Variants in ZNF628 observed in about 807,000 individuals in gnomAD.
ZNF628 encodes zinc finger protein 628.
A neutral mutation model predicts 2.5 loss-of-function variants in ZNF628; 3 were observed. The observed-to-expected ratio is 1.19, with a 90% CI of 0.54 to 3.07. The LOEUF is 3.07. Ranked by LOEUF, ZNF628 falls within the 30% of genes most tolerant of loss-of-function variation. The pLI is 0.03. For missense variants in ZNF628, 1,610 were observed against 1,517.1 expected (o/e 1.06, Z -1.02); for synonymous variants, 861 against 717.1 (o/e 1.20, Z -3.21).
rs923480188 is a variant in ZNF628, at chr19:55,481,198, CAGGTGTGAT to C, written c.8-2_14del. On this transcript the variant is annotated splice_acceptor_variant and coding_sequence_variant, in exon 3 of 3. Coordinates refer to ENST00000598519, the MANE Select transcript of ZNF628 (RefSeq NM_033113.3). LOFTEE classifies it high-confidence loss of function. ...AGCCGCTGACCCAGAATCCCTCCCC[CAGGTGTGAT>C]GGTCGGCTCCCACGCGGACATGGCG... 7 of 1,533,084 alleles carry C rather than the reference CAGGTGTGAT, an allele frequency of 4.6e-6. No individual in the cohort carries two copies. In the African/African-American group the frequency reaches 9.6e-5, roughly 21 times the overall value. 95.0% of individuals were successfully genotyped at this position (1,533,084 alleles called of 1,614,324 possible). A position where few individuals can be genotyped will look rare whatever the true frequency, so the allele number is the denominator to read the frequency against.
At position 55,481,331 on chromosome 19, in the gene ZNF628, G is replaced by T. The variant is rs1986693146; in HGVS notation, c.138G>T (p.Arg46=). Residue 46 remains arginine (R), a synonymous_variant, in exon 3 of 3, where the codon CGG becomes CGT. Transcript: ENST00000598519. The part of the protein sequence containing the change: ...YECGECGKSF[R]WSSRLLHHQR... ...GTGGGGAGTGTGGCAAGTCATTCCG[G>T]TGGTCGTCCCGGCTCCTGCACCACC... 6.2e-7 allele frequency: 1 copy of T among 1,611,922 alleles called. No individual in the cohort carries two copies. The highest frequency in any genetic ancestry group is 1.3e-5 in the African/African-American group (1 of 74,878).
At position 55,482,705 on chromosome 19, in the gene ZNF628, C is replaced by G. The variant is rs1986764925; in HGVS notation, c.1512C>G (p.His504Gln). 1 of 1,612,612 alleles carries G rather than the reference C, an allele frequency of 6.2e-7. No homozygotes were observed. Among genetic ancestry groups the G allele is most frequent in the African/African-American group, 1.3e-5 (1 of 74,860 alleles). Reference sequence around the variant, plus strand: ...TGCTGGCCATCCACCAGCGGGTGCACACGGGCCTGCGGGCCTTCACCTGTG... The same window carrying G: ...TGCTGGCCATCCACCAGCGGGTGCAGACGGGCCTGCGGGCCTTCACCTGTG... Reference protein sequence around the residue: ...SSLLAIHQRVHTGLRAFTCGQ... With the variant: ...SSLLAIHQRVQTGLRAFTCGQ... The change falls in exon 3 of 3, where the codon CAC (histidine) becomes CAG (glutamine). Residue 504 changes from histidine (H) to glutamine (Q), a missense_variant. Transcript: ENST00000598519.
chr19:55,480,710 A>T (rs1244045977), intron 2 of ZNF628, among the ~76,000 whole-genome samples: 1 of 152,222 alleles, frequency 6.6e-6, no homozygotes, highest in Non-Finnish European at 1.5e-5. Context: ...CGTGAGCCAC[A>T]GTGCCTGGCC....
intron 1 of ZNF628, among the ~76,000 whole-genome samples, chr19:55,478,720 C>T (rs974731639): frequency 6.6e-6 from 1 of 152,124 alleles, no homozygotes; most frequent in African/African-American, 2.4e-5. Context: ...AGTGGTGCCT[C>T]AGATCAAGGT....
chr19:55,481,283 T>C lies in ZNF628; in HGVS notation c.90T>C (p.Pro30=). 1 of 1,601,122 alleles carries C rather than the reference T, an allele frequency of 6.2e-7. No homozygotes were observed. The change falls in exon 3 of 3, where the codon CCT becomes CCC. Residue 30 remains proline, a synonymous_variant. Transcript: ENST00000598519. ...GGGAGAAGCCAGGCCCTGCGGCCCC[T>C]GCCCCGGCGGCCCAGTACGAATGTG... is the stretch of plus-strand genomic sequence containing the variant. The part of the protein sequence containing the change: ...GAGEKPGPAA[P]APAAQYECGE...
chr19:55,477,394 TC>T (rs1278071611), intron 1 of ZNF628, among the ~76,000 whole-genome samples: 48 of 150,732 alleles, frequency 3.2e-4, no homozygotes, highest in African/African-American at 1.1e-3. Flanking sequence ...GGAGTCTTGC[TC>T]CGTTGCCCAG....
chr19:55,481,545 C>CG lies in ZNF628; in HGVS notation c.355dup (p.Ala119GlyfsTer163). 6.2e-7 allele frequency: 1 copy of CG among 1,613,306 alleles called. No homozygotes were observed. The highest frequency in any genetic ancestry group is 1.1e-5 in the South Asian group (1 of 91,056). Reference sequence around the variant, plus strand: ...CCACCGTAGCGTGCACACCGGCCTGCGGGCCTTCATCTGCGGCCAGTGCGG... The same window carrying CG: ...CCACCGTAGCGTGCACACCGGCCTGCGGGGCCTTCATCTGCGGCCAGTGCGG... On this transcript the variant is annotated frameshift_variant, in exon 3 of 3. Coordinates refer to ENST00000598519, the MANE Select transcript of ZNF628 (RefSeq NM_033113.3). LOFTEE classifies it low-confidence loss of function (END_TRUNC).
chr19:55,481,974 C>A lies in ZNF628; in HGVS notation c.781C>A (p.Gln261Lys), dbSNP rs1441039478. The A allele has an allele frequency of 3.4e-6, 5 of 1,458,618 alleles. No homozygotes were observed. In the South Asian group the frequency reaches 6.7e-5, roughly 19 times the overall value. 90.4% of individuals were successfully genotyped at this position (1,458,618 alleles called of 1,614,324 possible). A position where few individuals can be genotyped will look rare whatever the true frequency, so the allele number is the denominator to read the frequency against. Residue 261 changes from glutamine to lysine, a missense_variant, in exon 3 of 3, where the codon CAG becomes AAG. Gln to Lys is a moderately conservative substitution (Grantham distance 53). This residue lies in a region of ZNF628 where 651 missense variants were observed against 575.6 expected (regional missense o/e 1.13). Transcript: ENST00000598519. ...VCDAYLQRHLQPHSPPAPPAP... is the reference protein window; with the variant it reads ...VCDAYLQRHLKPHSPPAPPAP... The stretch of plus-strand genomic sequence containing the variant: ...CGACGCCTACCTGCAGCGGCACCTC[C>A]AGCCCCACAGCCCGCCCGCGCCTCC...
chr19:55,483,385 C>T lies in ZNF628; in HGVS notation c.2192C>T (p.Pro731Leu). The change falls in exon 3 of 3, where the codon CCT becomes CTT. Residue 731 changes from proline (P) to leucine (L), a missense_variant. Pro to Leu is a moderately conservative substitution (Grantham distance 98, BLOSUM62 -3). This residue lies in a region of ZNF628 where 712 missense variants were observed against 603.6 expected (regional missense o/e 1.18). Coordinates refer to ENST00000598519, the MANE Select transcript of ZNF628 (RefSeq NM_033113.3). ...LQLIPSSVQPPTPPPPPAPPK... is the reference protein window; with the variant it reads ...LQLIPSSVQPLTPPPPPAPPK... ...CTGATCCCCAGCAGCGTGCAGCCCC[C>T]TACACCTCCGCCCCCTCCCGCACCT... 2 of 1,541,048 alleles carry T rather than the reference C, an allele frequency of 1.3e-6. No homozygotes were observed. The highest frequency in any genetic ancestry group is 1.7e-6 in the Non-Finnish European group (2 of 1,145,362).
rs564046056 is a variant in ZNF628, at chr19:55,481,197, C to T, written c.8-4C>T. ...GAGCCGCTGACCCAGAATCCCTCCC[C>T]CAGGTGTGATGGTCGGCTCCCACGC... On this transcript the variant is annotated splice_polypyrimidine_tract_variant and splice_region_variant and intron_variant, in intron 2 of 2. Coordinates refer to ENST00000598519, the MANE Select transcript of ZNF628 (RefSeq NM_033113.3). The T allele has an allele frequency of 6.5e-7, 1 of 1,532,242 alleles. No homozygotes were observed. The allele number at this position is 1,532,242 out of a possible 1,614,324, so 94.9% of individuals were successfully genotyped here. A position where few individuals can be genotyped will look rare whatever the true frequency, so the allele number is the denominator to read the frequency against.
At position 55,482,577 on chromosome 19, in the gene ZNF628, T is replaced by C; in HGVS notation, c.1384T>C (p.Ser462Pro). 1 of 1,594,964 alleles carries C rather than the reference T, an allele frequency of 6.3e-7. No homozygotes were observed. Among genetic ancestry groups the C allele is most frequent in the Non-Finnish European group, 8.5e-7 (1 of 1,173,866 alleles). ...RPYKCAECGK[S>P]FKGSSGLRYH... ...CTACAAATGTGCCGAGTGCGGCAAGTCCTTCAAGGGCTCCTCCGGGCTGCG... is the reference window on the plus strand; with the variant it reads ...CTACAAATGTGCCGAGTGCGGCAAGCCCTTCAAGGGCTCCTCCGGGCTGCG... Residue 462 changes from serine to proline, a missense_variant, in exon 3 of 3, where the codon TCC (serine) becomes CCC (proline). Physicochemically the swap from Ser to Pro is moderately conservative, Grantham distance 74. Transcript: ENST00000598519.
chr19:55,481,765 T>G lies in ZNF628; in HGVS notation c.572T>G (p.Leu191Arg). 2 of 1,610,236 alleles carry G rather than the reference T, an allele frequency of 1.2e-6. No individual in the cohort carries two copies. The highest frequency in any genetic ancestry group is 8.5e-7 in the Non-Finnish European group (1 of 1,178,586). Residue 191 changes from leucine (L) to arginine (R), a missense_variant, in exon 3 of 3, where the codon CTG becomes CGG. Physicochemically the swap from Leu to Arg is moderately radical, Grantham distance 102. Transcript: ENST00000598519. ...AAGAGCTTCACGCAGAGCACCAACC[T>G]GCGGCAGCACCAGCGCGTGCACACG... is the stretch of plus-strand genomic sequence containing the variant. ...CGKSFTQSTN[L>R]RQHQRVHTGE...
rs997975178 is a variant in ZNF628, at chr19:55,481,910, GC to G, written c.724del (p.Gln242SerfsTer185). The G allele has an allele frequency of 2.0e-5, 27 of 1,365,746 alleles. No homozygotes were observed. The highest frequency in any genetic ancestry group is 6.1e-5 in the East Asian group (2 of 32,856). 84.6% of individuals were successfully genotyped at this position (1,365,746 alleles called of 1,614,324 possible). ...PAPGTASAAP[P>X]PQSREPGKVF... ...CCCCGGGTACCGCCTCCGCGGCCCC[GC>G]CCCCCCAGTCCCGGGAGCCCGGCAA... On this transcript the variant is annotated frameshift_variant, in exon 3 of 3. Transcript: ENST00000598519. LOFTEE classifies it low-confidence loss of function (END_TRUNC).
chr19:55,481,142 T>C, intron 2 of ZNF628, 59 bp from the exon 3 acceptor site: 1 of 1,453,652 alleles, frequency 6.9e-7, no homozygotes, highest in Non-Finnish European at 9.0e-7. Context: ...CGTGTGTGGG[T>C]TTGGGGTTGA....
rs12972780 is a variant in ZNF628, at chr19:55,481,943, C to A, written c.750C>A (p.Phe250Leu). 1.4e-6 allele frequency: 2 copies of A among 1,475,806 alleles called. No individual in the cohort carries two copies. Among genetic ancestry groups the A allele is most frequent in the Non-Finnish European group, 1.8e-6 (2 of 1,119,910 alleles). 91.4% of individuals were successfully genotyped at this position (1,475,806 alleles called of 1,614,324 possible). A position where few individuals can be genotyped will look rare whatever the true frequency, so the allele number is the denominator to read the frequency against. ...PPQSREPGKVFVCDAYLQRHL... is the reference protein window; with the variant it reads ...PPQSREPGKVLVCDAYLQRHL... ...AGTCCCGGGAGCCCGGCAAGGTCTTCGTGTGCGACGCCTACCTGCAGCGGC... is the reference window on the plus strand; with the variant it reads ...AGTCCCGGGAGCCCGGCAAGGTCTTAGTGTGCGACGCCTACCTGCAGCGGC... The change falls in exon 3 of 3, where the codon TTC (phenylalanine) becomes TTA (leucine). Residue 250 changes from phenylalanine to leucine, a missense_variant. Around this residue, in one of 5 missense-constraint regions of ZNF628, gnomAD observed 651 missense variants for 575.6 expected, o/e 1.13. Coordinates refer to ENST00000598519, the MANE Select transcript of ZNF628 (RefSeq NM_033113.3).
Position 55,483,929 on chromosome 19 carries a change from C to A in ZNF628, c.2736C>A (p.Gly912=). 1 of 1,575,312 alleles carries A rather than the reference C, an allele frequency of 6.3e-7. No individual in the cohort carries two copies. The highest frequency in any genetic ancestry group is 8.6e-7 in the Non-Finnish European group (1 of 1,159,726). The change falls in exon 3 of 3, where the codon GGC becomes GGA. Residue 912 remains glycine (G), a synonymous_variant. Coordinates refer to ENST00000598519, the MANE Select transcript of ZNF628 (RefSeq NM_033113.3). ...CGGGCCCCGGGGAGGCGGGGGATGG[C>A]GAGGCCAGCACTGGTGTGGTCCAGG... is the stretch of plus-strand genomic sequence containing the variant. The part of the protein sequence containing the change: ...TGPGPGEAGD[G]EASTGVVQDV...
At position 55,484,314 on chromosome 19, in the gene ZNF628, C is replaced by T. The variant is rs1986849829; in HGVS notation, c.3121C>T (p.Leu1041=). 3 of 1,498,084 alleles carry T rather than the reference C, an allele frequency of 2.0e-6. No homozygotes were observed. The highest frequency in any genetic ancestry group is 2.5e-5 in the East Asian group (1 of 40,424). The allele number at this position is 1,498,084 out of a possible 1,614,324, so 92.8% of individuals were successfully genotyped here. A position where few individuals can be genotyped will look rare whatever the true frequency, so the allele number is the denominator to read the frequency against. ...AGPGVMTPQG[L]PSIQIVQTLP... is the part of the protein sequence containing the mutation. ...GCCTGGTGTTATGACCCCTCAGGGC[C>T]TGCCCTCCATCCAGATTGTCCAGAC... is the stretch of plus-strand genomic sequence containing the variant. Residue 1041 remains leucine (L), a synonymous_variant, in exon 3 of 3, where the codon CTG becomes TTG. Transcript: ENST00000598519.
chr19:55,481,706 C>G lies in ZNF628; in HGVS notation c.513C>G (p.Thr171=), dbSNP rs143366826. 2 of 1,610,724 alleles carry G rather than the reference C, an allele frequency of 1.2e-6. No individual in the cohort carries two copies. The highest frequency in any genetic ancestry group is 1.7e-6 in the Non-Finnish European group (2 of 1,178,896). Residue 171 remains threonine (T), a synonymous_variant, in exon 3 of 3, where the codon ACC becomes ACG. Transcript: ENST00000598519. The part of the protein sequence containing the change: ...SSLRRHRHVH[T]GERPYTCGVC... Reference sequence around the variant, plus strand: ...TGCGGCGCCACCGCCACGTGCACACCGGCGAGCGGCCCTACACCTGTGGAG... The same window carrying G: ...TGCGGCGCCACCGCCACGTGCACACGGGCGAGCGGCCCTACACCTGTGGAG...
In ZNF628 at chr19:55,484,044, G is replaced by C. The variant is rs1986836639; in HGVS notation, c.2851G>C (p.Val951Leu). ...CGATGGCGAACAGACTCGACTCTGC[G>C]TACAGGAGGTAGAAACACTTCCTCC... ...GADGEQTRLCVQEVETLPPGL... is the reference protein window; with the variant it reads ...GADGEQTRLCLQEVETLPPGL... The change falls in exon 3 of 3, where the codon GTA becomes CTA. Residue 951 changes from valine (V) to leucine (L), a missense_variant. Transcript: ENST00000598519. The C allele has an allele frequency of 6.3e-7, 1 of 1,593,588 alleles. No individual in the cohort carries two copies. The highest frequency in any genetic ancestry group is 8.5e-7 in the Non-Finnish European group (1 of 1,170,800).
Sources: allele counts gnomAD v4.1 joint callset (sites outside exome capture counted in the v4.1 genomes callset), GRCh38; gene constraint gnomAD v4.1.1; regional missense constraint gnomAD v4.1.1; transcripts MANE v1.5; gene names NCBI Gene and HGNC (gene_info 2026-07-23, HGNC 2026-07-21).